Variants in MEGF10 observed in about 807,000 individuals in gnomAD.
The protein encoded by MEGF10 is multiple EGF like domains 10, also known as multiple epidermal growth factor-like domains protein 10.
Under a neutral mutation model 147.5 loss-of-function variants are expected in MEGF10, and 86 were observed. The ratio of observed to expected loss-of-function variants is 0.58; its 90% confidence interval spans 0.49 to 0.70. MEGF10 has a LOEUF of 0.70. MEGF10 is among the 30% of genes least tolerant of loss of function. The pLI is 0.00. For synonymous variants in MEGF10, 478 were observed against 525.5 expected, an observed-to-expected ratio of 0.91 and a Z score of 1.24; for missense variants, 1,329 against 1,487.3, an observed-to-expected ratio of 0.89 and a Z score of 1.75.
chr5:127,421,501 G>C (rs911250230), intron 12 of MEGF10, among the ~76,000 whole-genome samples: 3 of 152,116 alleles, frequency 2.0e-5, no homozygotes, highest in African/African-American at 7.2e-5. Context: ...CATTTCCCAG[G>C]ATCTGTGGTG....
chr5:127,438,697 C>A, intron 17 of MEGF10, 130 bp downstream of exon 17: 2 of 867,776 alleles, frequency 2.3e-6, no homozygotes, highest in Non-Finnish European at 3.5e-6. Context: ...CTCCTAATGA[C>A]CTGTAGACAT....
the MEGF10 span, among the ~76,000 whole-genome samples, chr5:127,270,424 G>T: frequency 6.6e-6 from 1 of 152,122 alleles, no homozygotes; most frequent in Non-Finnish European, 1.5e-5. Flanking sequence ...AAAGGCAGGG[G>T]TTGCAATCCT....
At chr5:127,298,555 C>A (rs973545766) in intron 1 of MEGF10, among the ~76,000 whole-genome samples, 1 of 152,134 alleles carries the variant, frequency 6.6e-6, no homozygotes, top group Admixed American at 6.5e-5. Context: ...TCGGTAGGTG[C>A]GTAGTGGGGT....
chr5:127,408,351 A>G (rs1435610614), intron 8 of MEGF10, among the ~76,000 whole-genome samples: 3 of 152,178 alleles, frequency 2.0e-5, no homozygotes, highest in Non-Finnish European at 2.9e-5. Flanking sequence ...TCCTTTTGGA[A>G]CTGACTTGCA....
intron 6 of MEGF10, among the ~76,000 whole-genome samples, chr5:127,398,354 A>G (rs1561620361): frequency 6.6e-6 from 1 of 152,208 alleles, no homozygotes; most frequent in Admixed American, 6.5e-5. Context: ...CTGGAGCACA[A>G]GCGCTTTATA....
chr5:127,264,138 A>C, the MEGF10 span, among the ~76,000 whole-genome samples: 1 of 152,188 alleles, frequency 6.6e-6, no homozygotes. Flanking sequence ...ATATGGGTAT[A>C]AATAAGGTAC....
chr5:127,421,284 A>G (rs565836721), intron 12 of MEGF10, among the ~76,000 whole-genome samples: 90 of 152,346 alleles, frequency 5.9e-4, no homozygotes, highest in Middle Eastern at 3.4e-3. Context: ...GACAAAACTA[A>G]ATCCTGTGTA....
At chr5:127,309,965 C>CTT (rs1446130627) in intron 1 of MEGF10, among the ~76,000 whole-genome samples, 2 of 64,198 alleles carry the variant, frequency 3.1e-5, no homozygotes, top group African/African-American at 1.3e-4. Context: ...TTCTTTCTTT[C>CTT]TTTCTTTCTT....
At chr5:127,307,886 C>T (rs529960848) in intron 1 of MEGF10, among the ~76,000 whole-genome samples, 11 of 152,302 alleles carry the variant, frequency 7.2e-5, no homozygotes, top group Admixed American at 2.0e-4. Context: ...GTGTAAACCC[C>T]GGTCCTCCTC....
intron 1 of MEGF10, among the ~76,000 whole-genome samples, chr5:127,309,252 C>A (rs968101018): frequency 6.6e-6 from 1 of 152,210 alleles, no homozygotes; most frequent in Non-Finnish European, 1.5e-5. Flanking sequence ...TTAATACTAG[C>A]TTGCTTTTAG....
At chr5:127,244,004 C>G in the MEGF10 span, among the ~76,000 whole-genome samples, 6 of 151,532 alleles carry the variant, frequency 4.0e-5, no homozygotes, top group African/African-American at 1.2e-4. Context: ...CAAGACCAGC[C>G]TGACTAACAT....
intron 4 of MEGF10, among the ~76,000 whole-genome samples, chr5:127,357,588 A>AAAATAAATAAAT (rs71573990): frequency 0.033 from 4,408 of 132,538 alleles, 94 homozygotes; most frequent in African/African-American, 0.05. Flanking sequence ...ACCCTGCCTC[A>AAAATAAATAAAT]AAATAAATAA....
At chr5:127,443,149 G>T in intron 19 of MEGF10, 23 bp downstream of exon 19, 5 of 1,606,392 alleles carry the variant, frequency 3.1e-6, no homozygotes, top group Non-Finnish European at 4.3e-6. Context: ...GCTAATGTTT[G>T]TAGCACTGCA....
chr5:127,455,359 A>AGTG, intron 23 of MEGF10, 42 bp from the exon 24 acceptor site: 1 of 1,503,690 alleles, frequency 6.7e-7, no homozygotes, highest in Non-Finnish European at 9.2e-7. Context: ...TGATGTTGCC[A>AGTG]GTGACACAGC....
chr5:127,237,061 C>T, the MEGF10 span, among the ~76,000 whole-genome samples: 26 of 152,124 alleles, frequency 1.7e-4, no homozygotes, highest in Admixed American at 9.2e-4. Flanking sequence ...GAAATGTCTG[C>T]GTTTTCCTTG....
chr5:127,460,186 G>T lies in MEGF10; in HGVS notation c.*2868G>T, dbSNP rs1332548047. On this transcript the variant is annotated 3_prime_UTR_variant, in exon 25 of 25. Coordinates refer to ENST00000503335, the MANE Select transcript of MEGF10 (RefSeq NM_001256545.2). ...AAATGCCATTCATATAGTATTGTTAGCCAAACTATTATTCCTTCCTTAGAA... is the reference window on the plus strand; with the variant it reads ...AAATGCCATTCATATAGTATTGTTATCCAAACTATTATTCCTTCCTTAGAA... The T allele has an allele frequency of 6.6e-6, 1 of 152,106 alleles. No individual in the cohort carries two copies. Among genetic ancestry groups the T allele is most frequent in the Non-Finnish European group, 1.5e-5 (1 of 68,010 alleles). 9.4% of individuals were successfully genotyped at this position (152,106 alleles called of 1,614,324 possible).
At chr5:127,265,064 T>C in the MEGF10 span, among the ~76,000 whole-genome samples, 11 of 152,116 alleles carry the variant, frequency 7.2e-5, no homozygotes, top group Non-Finnish European at 1.5e-5. Context: ...CTTTCCCTCC[T>C]CCCTTCCCCC....
chr5:127,314,166 C>G (rs942392127), intron 1 of MEGF10, among the ~76,000 whole-genome samples: 11 of 152,212 alleles, frequency 7.2e-5, no homozygotes, highest in Admixed American at 6.5e-4. Flanking sequence ...CCACCTCACC[C>G]CTCTGGATCG....
At chr5:127,419,299 C>T in intron 11 of MEGF10, 59 bp downstream of exon 11, 1 of 1,554,758 alleles carries the variant, frequency 6.4e-7, no homozygotes, top group Non-Finnish European at 8.7e-7. Context: ...CCTAAAGACA[C>T]AAAAAAGAAA....
Sources: gnomAD v4.1 joint callset for allele counts (sites outside exome capture counted in the v4.1 genomes callset) on GRCh38, gnomAD v4.1.1 for gene constraint, MANE v1.5 for transcripts, NCBI Gene and HGNC (gene_info 2026-07-23, HGNC 2026-07-21) for gene names.